The following MCU variants were observed in gnomAD, a reference collection of about 807,000 sequenced individuals.
MCU encodes calcium uniporter protein, mitochondrial.
Under a neutral mutation model 45.2 loss-of-function variants are expected in MCU, and 12 were observed. The observed-to-expected ratio is 0.27, with a 90% CI of 0.17 to 0.43. MCU has a LOEUF of 0.43. Ranked by LOEUF, MCU falls within the 20% of genes least tolerant of loss-of-function variation. The pLI is 1.00. For missense variants in MCU, 324 were observed against 436.7 expected, an observed-to-expected ratio of 0.74 and a Z score of 2.30; for synonymous variants, 160 against 165.1, an observed-to-expected ratio of 0.97 and a Z score of 0.24.
chr10:72,868,974 A>C (rs540804535), intron 5 of MCU, 111 bp downstream of exon 5: 1 of 1,146,840 alleles, frequency 8.7e-7, no homozygotes, highest in African/African-American at 1.6e-5. Context: ...CAATCAAGTT[A>C]GTTCTTTAGT....
chr10:72,789,361 C>T (rs1030227955), intron 1 of MCU, among the ~76,000 whole-genome samples: 1 of 151,926 alleles, frequency 6.6e-6, no homozygotes, highest in Non-Finnish European at 1.5e-5. Flanking sequence ...GAGTGGTTGC[C>T]ATTACATATT....
chr10:72,731,456 C>A (rs1843172866), intron 1 of MCU, among the ~76,000 whole-genome samples: 1 of 152,150 alleles, frequency 6.6e-6, no homozygotes, highest in East Asian at 1.9e-4. Flanking sequence ...TTATTGAGGT[C>A]CAGTTCGCAT....
intron 1 of MCU, 124 bp downstream of exon 1, chr10:72,692,425 C>T: frequency 1.1e-6 from 1 of 885,382 alleles, no homozygotes; most frequent in Non-Finnish European, 1.4e-6. Flanking sequence ...CCGGAGGTTG[C>T]CGGGCACCGA....
intron 4 of MCU, 41 bp downstream of exon 4, chr10:72,860,568 G>A (rs1423490219): frequency 6.1e-6 from 9 of 1,483,828 alleles, no homozygotes; most frequent in Non-Finnish European, 8.4e-6. Flanking sequence ...AATGTGGGAA[G>A]GGCTTTTGGA....
intron 1 of MCU, among the ~76,000 whole-genome samples, chr10:72,729,193 G>A (rs1445710934): frequency 2.6e-5 from 4 of 152,174 alleles, no homozygotes; most frequent in African/African-American, 4.8e-5. Context: ...GGCCTGCTGC[G>A]GTGGTTCATG....
intron 4 of MCU, among the ~76,000 whole-genome samples, chr10:72,865,720 G>A (rs1250947851): frequency 2.2e-4 from 33 of 147,232 alleles, no homozygotes; most frequent in Admixed American, 2.2e-3. Context: ...TTTATTTTTT[G>A]TAGAGATGAG....
intron 4 of MCU, among the ~76,000 whole-genome samples, chr10:72,867,077 G>A (rs542391618): frequency 6.7e-6 from 1 of 149,642 alleles, no homozygotes; most frequent in Admixed American, 6.7e-5. Context: ...CCAGCTAGGT[G>A]TTGTATCCCA....
rs115593525 is a variant in MCU at position 72,732,970 on chromosome 10, A to G, written c.150+40669A>G. On this transcript the variant is annotated intron_variant, in intron 1 of 7. Coordinates refer to ENST00000373053, the MANE Select transcript of MCU (RefSeq NM_138357.3). The stretch of plus-strand genomic sequence containing the variant: ...ACATAATCTTTCACTAAGAGCATTT[A>G]TGCCAGATTAATATTAAATGGAAGA... Among the ~76,000 whole-genome samples the G allele has an allele frequency of 5.4e-3, 817 of 152,320 alleles. 5 individuals are homozygous for G. Among genetic ancestry groups the G allele is most frequent in the African/African-American group, 0.019 (774 of 41,566 alleles).
intron 1 of MCU, among the ~76,000 whole-genome samples, chr10:72,735,971 G>C (rs72812219): frequency 6.6e-6 from 1 of 152,248 alleles, no homozygotes; most frequent in Non-Finnish European, 1.5e-5. Flanking sequence ...TTTAATTTTA[G>C]TTTCTACAAT....
At chr10:72,733,558 T>C (rs1336153290) in intron 1 of MCU, among the ~76,000 whole-genome samples, 1 of 151,794 alleles carries the variant, frequency 6.6e-6, no homozygotes, top group South Asian at 2.1e-4. Context: ...CCCCCATGTC[T>C]AAAAAAAGGG....
At chr10:72,813,213 C>T (rs1844570771) in intron 1 of MCU, among the ~76,000 whole-genome samples, 1 of 152,138 alleles carries the variant, frequency 6.6e-6, no homozygotes, top group Admixed American at 6.6e-5. Context: ...TGATATATAG[C>T]TAGCTGTGGA....
At chr10:72,836,590 A>G (rs534489218) in intron 2 of MCU, among the ~76,000 whole-genome samples, 173 of 152,306 alleles carry the variant, frequency 1.1e-3, no homozygotes, top group African/African-American at 3.9e-3. Flanking sequence ...ATCAGAGGAC[A>G]TAAATGCTGA....
chr10:72,729,303 A>C (rs1248011563), intron 1 of MCU, among the ~76,000 whole-genome samples: 1 of 152,012 alleles, frequency 6.6e-6, no homozygotes, highest in Non-Finnish European at 1.5e-5. Flanking sequence ...CATCTCTACT[A>C]AAAATACAAA....
chr10:72,767,609 A>G (rs1843746907), intron 1 of MCU, among the ~76,000 whole-genome samples: 1 of 151,946 alleles, frequency 6.6e-6, no homozygotes, highest in Non-Finnish European at 1.5e-5. Context: ...CAGCCTCCCA[A>G]AGTGCTGGGA....
chr10:72,857,196 G>A (rs1231367605), intron 2 of MCU, among the ~76,000 whole-genome samples: 3 of 151,802 alleles, frequency 2.0e-5, no homozygotes, highest in East Asian at 1.9e-4. Flanking sequence ...AATTATTTAT[G>A]TATTTCACTC....
At chr10:72,756,033 T>A (rs188014232) in intron 1 of MCU, among the ~76,000 whole-genome samples, 2 of 152,232 alleles carry the variant, frequency 1.3e-5, no homozygotes, top group African/African-American at 4.8e-5. Context: ...ACATGTTTTG[T>A]AGAGACAAGG....
At chr10:72,728,177 G>A (rs189055229) in intron 1 of MCU, among the ~76,000 whole-genome samples, 1 of 152,206 alleles carries the variant, frequency 6.6e-6, no homozygotes, top group Non-Finnish European at 1.5e-5. Flanking sequence ...ATTTCACATG[G>A]TGTCTCCATT....
chr10:72,879,598 G>A (rs529622255), intron 6 of MCU, among the ~76,000 whole-genome samples: 98 of 152,292 alleles, frequency 6.4e-4, no homozygotes, highest in Middle Eastern at 3.4e-3. Flanking sequence ...TGTTCTTTGG[G>A]CAGAAGAAAG....
chr10:72,842,804 T>G (rs1845066431), intron 2 of MCU, among the ~76,000 whole-genome samples: 1 of 150,766 alleles, frequency 6.6e-6, no homozygotes, highest in African/African-American at 2.4e-5. Context: ...CAATAATAAT[T>G]GCATTGGAAT....
Sources: allele counts gnomAD v4.1 joint callset (sites outside exome capture counted in the v4.1 genomes callset), GRCh38; gene constraint gnomAD v4.1.1; transcripts MANE v1.5; gene names NCBI Gene and HGNC (gene_info 2026-07-23, HGNC 2026-07-21).